ANK1: variants seen among roughly 807,000 people sequenced by gnomAD.
ANK1 encodes the protein ankyrin 1.
A neutral mutation model predicts 210.4 loss-of-function variants in ANK1; 51 were observed. The observed-to-expected ratio is 0.24, with a 90% CI of 0.19 to 0.31. The LOEUF (loss-of-function observed/expected upper bound fraction) is 0.31, where lower values mean the gene tolerates loss of function less well. ANK1 is among the 10% of genes least tolerant of loss of function. The probability of loss-of-function intolerance (pLI) is 1.00; values close to 1 mark genes in which losing one functional copy is unlikely to be tolerated. For synonymous variants in ANK1, 967 were observed against 1,025.9 expected, an observed-to-expected ratio of 0.94 and a Z score of 1.10; for missense variants, 2,051 against 2,504.4, an observed-to-expected ratio of 0.82 and a Z score of 3.86.
intron 16 of ANK1, among the ~76,000 whole-genome samples, chr8:41,710,533 A>G (rs929827428): frequency 6.6e-6 from 1 of 152,240 alleles, no homozygotes; most frequent in African/African-American, 2.4e-5. Flanking sequence ...ATTTCTAGCA[A>G]GCCCCCAGAT....
upstream of ANK1, among the ~76,000 whole-genome samples, chr8:41,800,621 T>C (rs2150775725): frequency 6.6e-6 from 1 of 152,330 alleles, no homozygotes; most frequent in Non-Finnish European, 1.5e-5. Flanking sequence ...TCCATCGACC[T>C]CATGCCCTGC....
At chr8:41,680,487 C>T (rs1447697696) in intron 37 of ANK1, among the ~76,000 whole-genome samples, 2 of 151,240 alleles carry the variant, frequency 1.3e-5, no homozygotes, top group Admixed American at 6.6e-5. Context: ...CACTTGAACC[C>T]GGGAGGCAGA....
chr8:41,722,366 A>G (rs748646067), intron 9 of ANK1, among the ~76,000 whole-genome samples: 1 of 152,238 alleles, frequency 6.6e-6, no homozygotes, highest in Non-Finnish European at 1.5e-5. Context: ...CTTTCACTGT[A>G]TGGTCTAAGC....
At chr8:41,877,749 G>A (rs573712896) in intron 1 of ANK1, among the ~76,000 whole-genome samples, 10 of 152,346 alleles carry the variant, frequency 6.6e-5, no homozygotes, top group African/African-American at 2.2e-4. Context: ...GAGAGCAGTC[G>A]TCTGGGCAGT....
At chr8:41,872,348 G>C (rs558330927) in intron 1 of ANK1, among the ~76,000 whole-genome samples, 3 of 152,150 alleles carry the variant, frequency 2.0e-5, no homozygotes, top group Non-Finnish European at 4.4e-5. Flanking sequence ...ACTTCCTGCC[G>C]GGCCCTAAGG....
intron 1 of ANK1, among the ~76,000 whole-genome samples, chr8:41,759,523 A>AAACAAACAAACG (rs1839958487): frequency 6.6e-6 from 1 of 152,190 alleles, no homozygotes; most frequent in Non-Finnish European, 1.5e-5. Context: ...ACAAACAAAC[A>AAACAAACAAACG]AAAAAACCCA....
At chr8:41,804,768 C>T (rs1850669233) in intron 1 of ANK1, among the ~76,000 whole-genome samples, 2 of 152,208 alleles carry the variant, frequency 1.3e-5, no homozygotes, top group South Asian at 4.1e-4. Context: ...ACATCTCCAT[C>T]TGCTTGGCAC....
intron 42 of ANK1, among the ~76,000 whole-genome samples, chr8:41,659,397 T>C (rs1807020697): frequency 6.6e-6 from 1 of 152,232 alleles, no homozygotes; most frequent in Non-Finnish European, 1.5e-5. Flanking sequence ...TCAAACTTTC[T>C]GCCCTTGTGT....
At chr8:41,863,408 T>C (rs1057223286) in intron 1 of ANK1, among the ~76,000 whole-genome samples, 3 of 152,098 alleles carry the variant, frequency 2.0e-5, no homozygotes, top group African/African-American at 4.8e-5. Flanking sequence ...ATTTTCATTA[T>C]AGAGAAATTA....
At chr8:41,889,406 T>C (rs567284167) in intron 1 of ANK1, among the ~76,000 whole-genome samples, 39 of 152,208 alleles carry the variant, frequency 2.6e-4, no homozygotes, top group Non-Finnish European at 4.3e-4. Flanking sequence ...AAAGAAGTTT[T>C]TTTGCAAATA....
chr8:41,701,764 G>A, intron 21 of ANK1, 142 bp from the exon 22 acceptor site: 1 of 935,506 alleles, frequency 1.1e-6, no homozygotes, highest in South Asian at 1.4e-5. Flanking sequence ...CCTGGAAGCT[G>A]CCGGGCAGGA....
At chr8:41,834,509 AGTC>A (rs1807258076) in intron 1 of ANK1, among the ~76,000 whole-genome samples, 2 of 152,184 alleles carry the variant, frequency 1.3e-5, no homozygotes, top group African/African-American at 4.8e-5. Flanking sequence ...CCAGGACACA[AGTC>A]ACCACAGAGC....
intron 1 of ANK1, among the ~76,000 whole-genome samples, chr8:41,882,858 C>G (rs1013666608): frequency 5.9e-5 from 9 of 152,232 alleles, no homozygotes; most frequent in Admixed American, 2.6e-4. Context: ...TGGCTGTGCC[C>G]GTGACCTTGA....
chr8:41,775,062 T>C (rs1586861370), intron 1 of ANK1, among the ~76,000 whole-genome samples: 1 of 78,048 alleles, frequency 1.3e-5, no homozygotes, highest in African/African-American at 4.1e-5. Flanking sequence ...GGGACTCTTC[T>C]TTTTTTTTTC....
At chr8:41,812,295 T>C (rs183042569) in intron 1 of ANK1, among the ~76,000 whole-genome samples, 1 of 152,214 alleles carries the variant, frequency 6.6e-6, no homozygotes, top group Non-Finnish European at 1.5e-5. Flanking sequence ...GAGAAAACCA[T>C]AATTATATAC....
intron 42 of ANK1, among the ~76,000 whole-genome samples, chr8:41,657,582 G>A (rs1220127274): frequency 6.6e-6 from 1 of 152,194 alleles, no homozygotes; most frequent in African/African-American, 2.4e-5. Flanking sequence ...CCCAAGAAGT[G>A]CTCCTCAAAT....
At chr8:41,701,425 G>GTGTCCATCT in intron 22 of ANK1, 125 bp downstream of exon 22, 1 of 808,892 alleles carries the variant, frequency 1.2e-6, no homozygotes, top group Non-Finnish European at 2.1e-6. Flanking sequence ...CCCAGTTTCA[G>GTGTCCATCT]TGTCCATCTA....
At chr8:41,705,634 C>T (rs1824358092) in intron 18 of ANK1, among the ~76,000 whole-genome samples, 1 of 152,212 alleles carries the variant, frequency 6.6e-6, no homozygotes, top group Non-Finnish European at 1.5e-5. Context: ...CCTCTCTGCA[C>T]TCTGTGCTCC....
chr8:41,760,713 C>T (rs541812181), intron 1 of ANK1, among the ~76,000 whole-genome samples: 1 of 152,240 alleles, frequency 6.6e-6, no homozygotes, highest in African/African-American at 2.4e-5. Context: ...TTTCTTGTCC[C>T]CTTTTCATGA....
Sources: allele counts gnomAD v4.1 joint callset (sites outside exome capture counted in the v4.1 genomes callset), GRCh38; gene constraint gnomAD v4.1.1; transcripts MANE v1.5; gene names NCBI Gene and HGNC (gene_info 2026-07-23, HGNC 2026-07-21).